Variants in ANKRD27 observed in about 807,000 individuals in gnomAD.
The protein encoded by ANKRD27 is ankyrin repeat domain-containing protein 27.
Under a neutral mutation model 129.7 loss-of-function variants are expected in ANKRD27, and 112 were observed. The ratio of observed to expected loss-of-function variants is 0.86; its 90% CI spans 0.74 to 1.01. ANKRD27 has a LOEUF of 1.01. Among genes scored for constraint, ANKRD27 ranks in the 50% least tolerant of loss-of-function variants. The pLI, the probability that ANKRD27 is intolerant of heterozygous loss-of-function variation, is 0.00. For missense variants in ANKRD27, 1,258 were observed against 1,300.5 expected, an observed-to-expected ratio of 0.97 and a Z score of 0.50; for synonymous variants, 516 against 511.2, an observed-to-expected ratio of 1.01 and a Z score of -0.13.
chr19:32,645,371 C>T (rs532940003), intron 4 of ANKRD27, among the ~76,000 whole-genome samples: 1 of 152,040 alleles, frequency 6.6e-6, no homozygotes, highest in South Asian at 2.1e-4. Context: ...AAGATTGCGC[C>T]ACTGCACTCC....
At chr19:32,614,141 G>A (rs1971876901) in intron 22 of ANKRD27, among the ~76,000 whole-genome samples, 1 of 152,226 alleles carries the variant, frequency 6.6e-6, no homozygotes, top group African/African-American at 2.4e-5. Context: ...GGTCTTGTGA[G>A]AGAACTGTGC....
intron 25 of ANKRD27, 64 bp downstream of exon 25, chr19:32,604,199 A>G: frequency 1.3e-6 from 2 of 1,507,138 alleles, no homozygotes; most frequent in Non-Finnish European, 9.0e-7. Context: ...GCTTAAACAA[A>G]GGGATCCAGA....
chr19:32,661,902 G>A (rs893636870), intron 1 of ANKRD27, among the ~76,000 whole-genome samples: 1 of 152,116 alleles, frequency 6.6e-6, no homozygotes, highest in African/African-American at 2.4e-5. Context: ...AACAATAATT[G>A]GATTTGCCAC....
chr19:32,632,511 G>C (rs1392384714), intron 12 of ANKRD27, among the ~76,000 whole-genome samples: 1 of 145,598 alleles, frequency 6.9e-6, no homozygotes, highest in Non-Finnish European at 1.5e-5. Flanking sequence ...CTTGAACCCC[G>C]CAAGTGGAGG....
rs1966989771 is a variant in ANKRD27 at position 32,631,424 on chromosome 19, G to A, written c.1187C>T (p.Ser396Phe). The part of the protein sequence containing the change: ...RMSLLSQMTS[S>F]PTDCLFKHIA... ...CACCTTAAACAGGCAGTCGGTGGGA[G>A]ACGAAGTCATCTGAGAGAGTAAGCT... The change falls in exon 13 of 29, where the codon TCT becomes TTT. Residue 396 changes from serine to phenylalanine, a missense_variant. Transcript: ENST00000306065. 2 of 1,614,148 alleles carry A rather than the reference G, an allele frequency of 1.2e-6. No individual in the cohort carries two copies. Among genetic ancestry groups the A allele is most frequent in the East Asian group, 4.5e-5 (2 of 44,884 alleles).
chr19:32,639,274 C>G (rs1245291373), intron 12 of ANKRD27, 82 bp downstream of exon 12: 1 of 1,544,108 alleles, frequency 6.5e-7, no homozygotes, highest in African/African-American at 1.4e-5. Context: ...AAGAATCCGT[C>G]TGCCCACATA....
rs778133400 is a variant in ANKRD27, at chr19:32,604,346, C to T, written c.2572G>A (p.Val858Met). Residue 858 changes from valine (V) to methionine (M), a missense_variant, in exon 25 of 29, where the codon GTG becomes ATG. Transcript: ENST00000306065. ...CCGTGGAGCAGAAGCAGCTCTACCA[C>T]GAAGACGTGCTTTTCAATCACAGCC... Reference protein sequence around the residue: ...HEAVIEKHVFVVELLLLHGAS... With the variant: ...HEAVIEKHVFMVELLLLHGAS... The T allele has an allele frequency of 2.0e-5, 33 of 1,613,806 alleles. No individual in the cohort carries two copies. The highest frequency in any genetic ancestry group is 1.3e-4 in the Admixed American group (8 of 60,000).
At position 32,607,144 on chromosome 19, in the gene ANKRD27, TAAA is replaced by T. The variant is rs34734065; in HGVS notation, c.2373+488_2373+490del. ...TGGGAGACAGAGCAAGGTGATGTCT[TAAA>T]AAAAAAAAAAAAAAAAAAAGGCAAA... On this transcript the variant is annotated intron_variant, in intron 23 of 28. Transcript: ENST00000306065. 2.7e-3 allele frequency among the ~76,000 whole-genome samples: 253 copies of T among 94,336 alleles called. 7 individuals are homozygous for T. The East Asian group carries it at 0.062, about 23-fold the overall frequency. 61.9% of individuals were successfully genotyped at this position (94,336 alleles called of 152,430 possible).
chr19:32,645,327 G>A (rs973245300), intron 4 of ANKRD27, among the ~76,000 whole-genome samples: 5 of 152,042 alleles, frequency 3.3e-5, no homozygotes, highest in African/African-American at 1.2e-4. Context: ...CAGGAGAATC[G>A]CTTGAACCCG....
chr19:32,618,229 T>G (rs898062462), intron 20 of ANKRD27, among the ~76,000 whole-genome samples: 1 of 151,450 alleles, frequency 6.6e-6, no homozygotes, highest in African/African-American at 2.4e-5. Context: ...AAATGTATAT[T>G]TATCAGTGGA....
At chr19:32,656,059 A>AAAGAAAGAAAG (rs1555747075) in intron 2 of ANKRD27, among the ~76,000 whole-genome samples, 21 of 65,920 alleles carry the variant, frequency 3.2e-4, no homozygotes, top group South Asian at 5.6e-4. Flanking sequence ...GAAAAGAAAG[A>AAAGAAAGAAAG]AAAGAAAGAA....
intron 3 of ANKRD27, among the ~76,000 whole-genome samples, chr19:32,646,917 C>A (rs928736465): frequency 1.3e-5 from 2 of 152,162 alleles, no homozygotes; most frequent in African/African-American, 4.8e-5. Flanking sequence ...CCTCCGCCTC[C>A]CAGGGTCAAG....
At chr19:32,619,140 C>T in intron 20 of ANKRD27, 120 bp downstream of exon 20, 1 of 1,361,950 alleles carries the variant, frequency 7.3e-7, no homozygotes, top group Non-Finnish European at 9.9e-7. Flanking sequence ...CAGCAGCGGC[C>T]TCAGCATGGG....
chr19:32,618,538 G>A (rs1274220957), intron 20 of ANKRD27, among the ~76,000 whole-genome samples: 1 of 152,004 alleles, frequency 6.6e-6, no homozygotes, highest in Non-Finnish European at 1.5e-5. Flanking sequence ...ACCCCTCCCA[G>A]GGACAACTTC....
intron 13 of ANKRD27, among the ~76,000 whole-genome samples, chr19:32,631,047 GTCTC>G (rs1966983687): frequency 6.6e-6 from 1 of 151,762 alleles, no homozygotes; most frequent in South Asian, 2.1e-4. Flanking sequence ...TTGAGACAGA[GTCTC>G]TCTGTCGCCC....
rs1966926471 is a variant in ANKRD27, at chr19:32,628,238, A to G, written c.1338-73T>C. ...AAAGCCTCTCCCTGACCAGGTAGAT[A>G]GGCAGGTACCACAGACAGAAGGCGG... On this transcript the variant is annotated intron_variant, in intron 14 of 28. Transcript: ENST00000306065. The G allele has an allele frequency of 3.8e-6, 5 of 1,305,486 alleles. No homozygotes were observed. In the Admixed American group the frequency reaches 8.8e-5, roughly 23 times the overall value. The allele number at this position is 1,305,486 out of a possible 1,614,324, so 80.9% of individuals were successfully genotyped here.
intron 1 of ANKRD27, among the ~76,000 whole-genome samples, chr19:32,660,617 C>T (rs1967626463): frequency 6.6e-6 from 1 of 152,156 alleles, no homozygotes; most frequent in Non-Finnish European, 1.5e-5. Flanking sequence ...AGGCCCTCCC[C>T]AGACATCCAA....
At chr19:32,654,978 C>T (rs1967491901) in intron 2 of ANKRD27, 3 of 152,240 alleles carry the variant, frequency 2.0e-5, no homozygotes, top group African/African-American at 4.8e-5. Flanking sequence ...TATGGGGTTT[C>T]ACCATGTTGG....
chr19:32,642,210 A>C, intron 9 of ANKRD27, 65 bp from the exon 10 acceptor site: 1 of 1,385,602 alleles, frequency 7.2e-7, no homozygotes, highest in South Asian at 1.7e-5. Context: ...GCCTGGATCT[A>C]AGAACACATC....
Sources: gnomAD v4.1 joint callset for allele counts (sites outside exome capture counted in the v4.1 genomes callset) on GRCh38, gnomAD v4.1.1 for gene constraint, MANE v1.5 for transcripts, NCBI Gene and HGNC (gene_info 2026-07-23, HGNC 2026-07-21) for gene names.